Variants in GCFC2 observed in about 807,000 individuals in gnomAD.
GCFC2 encodes intron Large complex component GCFC2.
A neutral mutation model predicts 99.4 loss-of-function variants in GCFC2; 102 were observed. The ratio of observed to expected loss-of-function variants is 1.03; its 90% CI spans 0.87 to 1.21. The LOEUF (loss-of-function observed/expected upper bound fraction) is 1.21. Ranked by LOEUF, GCFC2 falls within the 50% of genes most tolerant of loss-of-function variation. The pLI, the probability that GCFC2 is intolerant of heterozygous loss-of-function variation, is 0.00. For missense variants in GCFC2, 973 were observed against 920.9 expected, an observed-to-expected ratio of 1.06 and a Z score of -0.73; for synonymous variants, 338 against 316.8, an observed-to-expected ratio of 1.07 and a Z score of -0.71.
At chr2:75,709,378 A>T (rs936936212) in intron 1 of GCFC2, among the ~76,000 whole-genome samples, 1 of 152,254 alleles carries the variant, frequency 6.6e-6, no homozygotes, top group African/African-American at 2.4e-5. Flanking sequence ...GACAAATAGA[A>T]GGTCACAAGA....
intron 6 of GCFC2, 31 bp downstream of exon 6, chr2:75,694,210 G>T (rs758356413): frequency 1.2e-5 from 7 of 579,592 alleles, no homozygotes; most frequent in Non-Finnish European, 1.8e-5. Flanking sequence ...CTCCAAAAAA[G>T]GAAATGATAT....
intron 5 of GCFC2, among the ~76,000 whole-genome samples, chr2:75,695,784 G>A (rs1175531836): frequency 6.6e-6 from 1 of 152,146 alleles, no homozygotes; most frequent in Non-Finnish European, 1.5e-5. Flanking sequence ...AACTGAGATG[G>A]TTACTATGTG....
intron 2 of GCFC2, among the ~76,000 whole-genome samples, chr2:75,703,626 G>C (rs949616747): frequency 2.6e-5 from 4 of 152,102 alleles, no homozygotes; most frequent in African/African-American, 9.7e-5. Flanking sequence ...TGAAGGTCAG[G>C]TGTCTCTTCC....
At chr2:75,686,265 A>G (rs542601751) in intron 11 of GCFC2, among the ~76,000 whole-genome samples, 3 of 152,110 alleles carry the variant, frequency 2.0e-5, no homozygotes, top group Admixed American at 2.0e-4. Flanking sequence ...TATTTTTTTT[A>G]AATTTTAAAT....
chr2:75,698,218 TAA>T (rs1173341560), intron 4 of GCFC2, among the ~76,000 whole-genome samples: 1 of 152,216 alleles, frequency 6.6e-6, no homozygotes, highest in East Asian at 1.9e-4. Flanking sequence ...CAGATTGAGC[TAA>T]GTTTTCTTTA....
At chr2:75,679,064 T>C (rs1396421016) in intron 12 of GCFC2, among the ~76,000 whole-genome samples, 3 of 145,978 alleles carry the variant, frequency 2.1e-5, no homozygotes, top group South Asian at 2.1e-4. Flanking sequence ...GAGTGCCTAG[T>C]ACACAATTGG....
At chr2:75,704,229 C>T (rs1434636491) in intron 2 of GCFC2, among the ~76,000 whole-genome samples, 1 of 152,156 alleles carries the variant, frequency 6.6e-6, no homozygotes, top group East Asian at 1.9e-4. Flanking sequence ...GATATGCAAT[C>T]ATCTAGGGCT....
chr2:75,688,744 A>G lies in GCFC2; in HGVS notation c.1539+282T>C, dbSNP rs530328010. Among the ~76,000 whole-genome samples the G allele has an allele frequency of 1.1e-4, 16 of 152,226 alleles. No homozygotes were observed. In the South Asian group the frequency reaches 3.3e-3, roughly 32 times the overall value. ...TTTATATCTACTTTCTCCAAACCCA[A>G]CAGTACCTTATACTTTCTGGGAGGA... is the stretch of plus-strand genomic sequence containing the variant. On this transcript the variant is annotated intron_variant, in intron 10 of 16. Coordinates refer to ENST00000321027, the MANE Select transcript of GCFC2 (RefSeq NM_003203.5).
chr2:75,688,540 T>C (rs1298537810), intron 10 of GCFC2, among the ~76,000 whole-genome samples: 1 of 152,154 alleles, frequency 6.6e-6, no homozygotes, highest in East Asian at 1.9e-4. Flanking sequence ...ATCTGTGCAA[T>C]TTCTAGCTCC....
chr2:75,672,206 AAATAT>A (rs1679123406), intron 13 of GCFC2, among the ~76,000 whole-genome samples, 190 bp from the exon 14 acceptor site: 1 of 143,258 alleles, frequency 7.0e-6, no homozygotes, highest in Non-Finnish European at 1.5e-5. Flanking sequence ...ATATATTTAT[AAATAT>A]GTTTATAAAA....
chr2:75,679,456 AAG>A (rs1679477010), intron 12 of GCFC2, among the ~76,000 whole-genome samples: 1 of 152,218 alleles, frequency 6.6e-6, no homozygotes, highest in Admixed American at 6.5e-5. Context: ...GCTACAATGA[AAG>A]AGTGAGAAGA....
At chr2:75,684,908 G>A (rs1679743673) in intron 11 of GCFC2, among the ~76,000 whole-genome samples, 1 of 152,136 alleles carries the variant, frequency 6.6e-6, no homozygotes, top group South Asian at 2.1e-4. Flanking sequence ...CCTTTGCAGG[G>A]ACATGGACAT....
chr2:75,711,146 A>G, upstream of GCFC2: 1 of 985,250 alleles, frequency 1.0e-6, no homozygotes, highest in Non-Finnish European at 1.2e-6. Context: ...TCTGAGTCCC[A>G]CGGAGAGCAG....
At chr2:75,703,394 C>A (rs901336974) in intron 2 of GCFC2, among the ~76,000 whole-genome samples, 4 of 152,008 alleles carry the variant, frequency 2.6e-5, no homozygotes, top group South Asian at 4.1e-4. Flanking sequence ...ACAAAAGCTC[C>A]CATGTTTGAA....
Position 75,671,946 on chromosome 2 carries a change from T to C in GCFC2, c.1956+4A>G, listed in dbSNP as rs1679107251. 6.5e-7 allele frequency: 1 copy of C among 1,538,172 alleles called. No homozygotes were observed. Among genetic ancestry groups the C allele is most frequent in the Middle Eastern group, 1.7e-4 (1 of 5,848 alleles). ...GCCTTTTCATTTTTGCAGTTTTTGC[T>C]CACCTTTAGGCCTGACCAGAACTGT... On this transcript the variant is annotated splice_donor_region_variant and intron_variant, in intron 14 of 16. Transcript: ENST00000321027.
chr2:75,687,429 C>A (rs1177532113), intron 11 of GCFC2, among the ~76,000 whole-genome samples: 2 of 152,006 alleles, frequency 1.3e-5, no homozygotes, highest in Non-Finnish European at 2.9e-5. Context: ...AGGTAAGTGA[C>A]CTGAATCCAG....
Position 75,696,331 on chromosome 2 carries a change from T to C in GCFC2, c.718-16A>G, listed in dbSNP as rs1041796165. ...TGTCTCTTTCCTAAAAAAGTAAAAA[T>C]AGATTTTTACAAAACCATTTATTTC... On this transcript the variant is annotated splice_polypyrimidine_tract_variant and intron_variant, in intron 4 of 16. Coordinates refer to ENST00000321027, the MANE Select transcript of GCFC2 (RefSeq NM_003203.5). 2.8e-6 allele frequency: 3 copies of C among 1,056,112 alleles called. No homozygotes were observed. Among genetic ancestry groups the C allele is most frequent in the African/African-American group, 1.6e-5 (1 of 62,314 alleles). 65.4% of individuals were successfully genotyped at this position (1,056,112 alleles called of 1,614,324 possible). A position where few individuals can be genotyped will look rare whatever the true frequency, so the allele number is the denominator to read the frequency against.
chr2:75,670,080 T>TA, intron 15 of GCFC2, 58 bp downstream of exon 15: 1 of 1,185,368 alleles, frequency 8.4e-7, no homozygotes, highest in Non-Finnish European at 1.2e-6. Context: ...TAATAGATTT[T>TA]AATAGCTAAA....
chr2:75,673,556 A>G, intron 12 of GCFC2, 36 bp from the exon 13 acceptor site: 2 of 880,810 alleles, frequency 2.3e-6, no homozygotes, highest in East Asian at 4.8e-5. Context: ...CAGTGATAGA[A>G]GATAGAAATG....
Sources: gnomAD v4.1 joint callset for allele counts (sites outside exome capture counted in the v4.1 genomes callset) on GRCh38, gnomAD v4.1.1 for gene constraint, MANE v1.5 for transcripts, NCBI Gene and HGNC (gene_info 2026-07-23, HGNC 2026-07-21) for gene names.